SAXO2: variants seen among roughly 807,000 people sequenced by gnomAD.
The protein encoded by SAXO2 is stabilizer of axonemal microtubules 2.
Under a neutral mutation model 18.7 loss-of-function variants are expected in SAXO2, and 17 were observed. That is an observed-to-expected ratio of 0.91 (90% CI 0.62 to 1.36). The LOEUF is 1.36. Ranked by LOEUF, SAXO2 falls within the 40% of genes most tolerant of loss-of-function variation. The pLI is 0.00. For synonymous variants in SAXO2, 163 were observed against 181.2 expected, an observed-to-expected ratio of 0.90 and a Z score of 0.81; for missense variants, 486 against 562.6, an observed-to-expected ratio of 0.86 and a Z score of 1.38.
At chr15:82,271,568 C>A in intron 2 of SAXO2, 35 bp from the exon 3 acceptor site, 9 of 1,512,684 alleles carry the variant, frequency 5.9e-6, no homozygotes, top group Non-Finnish European at 8.0e-6. Context: ...AATAAAAGAA[C>A]TTGTGAGGCT....
Position 82,282,412 on chromosome 15 carries a change from A to G in SAXO2, c.727A>G (p.Thr243Ala). ...PTDQRFEDLT[T>A]HRCDFQGLIG... is the part of the protein sequence containing the mutation. ...TGACCAACGCTTTGAGGATCTCACA[A>G]CTCACCGGTGTGACTTTCAGGGTCT... Residue 243 changes from threonine (T) to alanine (A), a missense_variant, in exon 4 of 4, where the codon ACT (threonine) becomes GCT (alanine). Coordinates refer to ENST00000682753, the MANE Select transcript of SAXO2 (RefSeq NM_001348699.2). 6.2e-7 allele frequency: 1 copy of G among 1,614,018 alleles called. No homozygotes were observed.
chr15:82,268,742 T>G (rs1452388462), intron 2 of SAXO2, among the ~76,000 whole-genome samples: 3 of 152,248 alleles, frequency 2.0e-5, no homozygotes, highest in Admixed American at 6.5e-5. Flanking sequence ...CTGCCAGAGT[T>G]GGCAGGAAGC....
chr15:82,271,781 G>A lies in SAXO2; in HGVS notation c.412G>A (p.Asp138Asn). 1 of 1,613,974 alleles carries A rather than the reference G, an allele frequency of 6.2e-7. No homozygotes were observed. The highest frequency in any genetic ancestry group is 1.1e-5 in the South Asian group (1 of 91,056). Residue 138 changes from aspartate to asparagine, a missense_variant, in exon 3 of 4, where the codon GAC becomes AAC. Coordinates refer to ENST00000682753, the MANE Select transcript of SAXO2 (RefSeq NM_001348699.2). Reference protein sequence around the residue: ...LERQVKKGKLDTVPTYKDDYR... With the variant: ...LERQVKKGKLNTVPTYKDDYR... ...GAGACAAGTTAAAAAAGGAAAATTG[G>A]ACACTGTCCCAACCTATAAAGGTAA...
chr15:82,279,518 C>A (rs910686887), intron 3 of SAXO2, among the ~76,000 whole-genome samples: 4 of 152,020 alleles, frequency 2.6e-5, no homozygotes, highest in African/African-American at 9.7e-5. Flanking sequence ...TGAGGGACAT[C>A]CAAATAAAGA....
chr15:82,263,420 C>G, intron 1 of SAXO2: 1 of 709,408 alleles, frequency 1.4e-6, no homozygotes, highest in Admixed American at 2.0e-5. Flanking sequence ...TCTTTGGGAT[C>G]CGCCTGACTG....
In SAXO2 at chr15:82,282,621, T is replaced by C; in HGVS notation, c.936T>C (p.His312=). 1.9e-6 allele frequency: 3 copies of C among 1,614,190 alleles called. No homozygotes were observed. The highest frequency in any genetic ancestry group is 2.5e-6 in the Non-Finnish European group (3 of 1,180,032). Residue 312 remains histidine (H), a synonymous_variant, in exon 4 of 4, where the codon CAT becomes CAC. Coordinates refer to ENST00000682753, the MANE Select transcript of SAXO2 (RefSeq NM_001348699.2). ...GCATGCTGTTAAACAGCACAAGCCA[T>C]CTTGACTATGTTCCATATCAGGCCA... ...TGSMLLNSTS[H]LDYVPYQANH...
At chr15:82,273,467 C>T (rs1467691269) in intron 3 of SAXO2, among the ~76,000 whole-genome samples, 3 of 152,074 alleles carry the variant, frequency 2.0e-5, no homozygotes, top group East Asian at 1.9e-4. Context: ...ACCCATTCAA[C>T]GAGTAAGTAA....
At chr15:82,269,545 A>G (rs115600895) in intron 2 of SAXO2, among the ~76,000 whole-genome samples, 62 of 152,296 alleles carry the variant, frequency 4.1e-4, no homozygotes, top group African/African-American at 1.4e-3. Context: ...TCCTACAGTA[A>G]TAAGAAGCCA....
In SAXO2 at chr15:82,277,206, G is replaced by A. The variant is rs1259740517; in HGVS notation, c.434-4913G>A. Among the ~76,000 whole-genome samples the A allele has an allele frequency of 3.9e-5, 6 of 152,178 alleles. No individual in the cohort carries two copies. The East Asian group carries it at 1.2e-3, about 29-fold the overall frequency. On this transcript the variant is annotated intron_variant, in intron 3 of 3. Transcript: ENST00000682753. ...CATTTATTAATACAAAAGAAGGCAA[G>A]AAATAAGGGGTATGGGAACAAAGAA... is the stretch of plus-strand genomic sequence containing the variant.
At chr15:82,266,022 C>T (rs746915969) in intron 2 of SAXO2, among the ~76,000 whole-genome samples, 1 of 151,862 alleles carries the variant, frequency 6.6e-6, no homozygotes, top group Non-Finnish European at 1.5e-5. Context: ...TTTCCACTGT[C>T]ACCACCACCT....
intron 3 of SAXO2, among the ~76,000 whole-genome samples, chr15:82,277,624 A>G (rs995911479): frequency 3.3e-5 from 5 of 152,230 alleles, no homozygotes; most frequent in African/African-American, 1.2e-4. Context: ...GATAATCTAC[A>G]AAATCATAAA....
intron 2 of SAXO2, among the ~76,000 whole-genome samples, chr15:82,268,599 G>C (rs1469963934): frequency 6.6e-6 from 1 of 152,190 alleles, no homozygotes. Context: ...AGTAGAAAGT[G>C]GATTTATCTG....
At chr15:82,265,459 G>C in intron 1 of SAXO2, 110 bp from the exon 2 acceptor site, 1 of 893,084 alleles carries the variant, frequency 1.1e-6, no homozygotes, top group Non-Finnish European at 1.5e-6. Flanking sequence ...TGGTTTTTTA[G>C]TAAAGCTCTA....
rs74456201 is a variant in SAXO2, at chr15:82,283,412, A to G, written c.*350A>G. ...TATGGTTATTCACATACCATTTGTCATTTATCAAGCACATCAGGATTATCT... is the reference window on the plus strand; with the variant it reads ...TATGGTTATTCACATACCATTTGTCGTTTATCAAGCACATCAGGATTATCT... On this transcript the variant is annotated 3_prime_UTR_variant, in exon 4 of 4. Transcript: ENST00000682753. 1.4e-3 allele frequency: 220 copies of G among 160,954 alleles called. 1 individual carries two copies. The highest frequency in any genetic ancestry group is 5.0e-3 in the African/African-American group (207 of 41,676). 10.0% of individuals were successfully genotyped at this position (160,954 alleles called of 1,614,324 possible).
intron 2 of SAXO2, 22 bp from the exon 3 acceptor site, chr15:82,271,581 G>C: frequency 1.3e-6 from 2 of 1,567,082 alleles, no homozygotes; most frequent in Non-Finnish European, 1.7e-6. Context: ...GTGAGGCTAT[G>C]TTTCAAATTT....
Position 82,282,965 on chromosome 15 carries a change from C to A in SAXO2, c.1280C>A (p.Ala427Asp). Residue 427 changes from alanine to aspartate, a missense_variant, in exon 4 of 4, where the codon GCC becomes GAC. By Grantham distance (126) the Ala-to-Asp change is moderately radical. Coordinates refer to ENST00000682753, the MANE Select transcript of SAXO2 (RefSeq NM_001348699.2). The part of the protein sequence containing the change: ...YTPKRQEICP[A>D]SYPSPPGYIF... ...CCGAAAAGACAGGAAATTTGCCCAG[C>A]CAGCTATCCCTCTCCTCCAGGTTAT... The A allele has an allele frequency of 6.2e-7, 1 of 1,614,108 alleles. No homozygotes were observed. Among genetic ancestry groups the A allele is most frequent in the South Asian group, 1.1e-5 (1 of 91,068 alleles).
At chr15:82,273,074 T>C (rs979633776) in intron 3 of SAXO2, among the ~76,000 whole-genome samples, 1 of 151,070 alleles carries the variant, frequency 6.6e-6, no homozygotes, top group Non-Finnish European at 1.5e-5. Context: ...CCTAGCTAAT[T>C]TTTGTACTTT....
At position 82,270,286 on chromosome 15, in the gene SAXO2, C is replaced by A. The variant is rs34686959; in HGVS notation, c.234-1317C>A. Among the ~76,000 whole-genome samples the A allele has an allele frequency of 6.0e-3, 908 of 152,146 alleles. 11 individuals are homozygous for A. The highest frequency in any genetic ancestry group is 0.021 in the African/African-American group (868 of 41,486). ...AATGATGGAGTAGAGGTAGATGAAG[C>A]TACATAGGAAACTGGAAAGAAATAA... is the stretch of plus-strand genomic sequence containing the variant. On this transcript the variant is annotated intron_variant, in intron 2 of 3. Coordinates refer to ENST00000682753, the MANE Select transcript of SAXO2 (RefSeq NM_001348699.2).
intron 1 of SAXO2, chr15:82,264,562 C>T (rs1210274008): frequency 4.4e-6 from 3 of 678,082 alleles, no homozygotes; most frequent in African/African-American, 3.6e-5. Context: ...ACGTAATCTC[C>T]TCTGGTTAGT....
Sources: gnomAD v4.1 joint callset for allele counts (sites outside exome capture counted in the v4.1 genomes callset) on GRCh38, gnomAD v4.1.1 for gene constraint, MANE v1.5 for transcripts, NCBI Gene and HGNC (gene_info 2026-07-23, HGNC 2026-07-21) for gene names.